Variants in PCDHA7 observed in about 807,000 individuals in gnomAD.
PCDHA7 encodes the protein protocadherin alpha-7.
Under a neutral mutation model 57.2 loss-of-function variants are expected in PCDHA7, and 37 were observed. That is an observed-to-expected ratio of 0.65 (90% confidence interval 0.50 to 0.85). The LOEUF (loss-of-function observed/expected upper bound fraction) is 0.85, where lower values mean the gene tolerates loss of function less well. Ranked by LOEUF, PCDHA7 falls within the 40% of genes least tolerant of loss-of-function variation. The pLI is 0.00. For synonymous variants in PCDHA7, 553 were observed against 558.8 expected, an observed-to-expected ratio of 0.99 and a Z score of 0.15; for missense variants, 1,188 against 1,241.8, an observed-to-expected ratio of 0.96 and a Z score of 0.65.
intron 3 of PCDHA7, among the ~76,000 whole-genome samples, chr5:140,994,922 G>A (rs184710391): frequency 4.6e-5 from 7 of 152,342 alleles, no homozygotes; most frequent in African/African-American, 9.6e-5. Context: ...ATCAGATTTT[G>A]TAGGACCTTA....
At chr5:140,998,687 C>T (rs922040842) in intron 3 of PCDHA7, among the ~76,000 whole-genome samples, 9 of 152,042 alleles carry the variant, frequency 5.9e-5, no homozygotes, top group Non-Finnish European at 1.5e-5. Flanking sequence ...GCCTCAGCCT[C>T]CCAAGTAGCT....
chr5:140,870,709 G>T (rs782475792), intron 1 of PCDHA7: 1 of 1,613,052 alleles, frequency 6.2e-7, no homozygotes, highest in Non-Finnish European at 8.5e-7. Context: ...CCAGGTGAGC[G>T]CGCGCGATGC....
At position 140,851,650 on chromosome 5, in the gene PCDHA7, G is replaced by C. The variant is rs1324719591; in HGVS notation, c.2355+14912G>C. The C allele has an allele frequency of 4.4e-6, 4 of 912,450 alleles. No homozygotes were observed. The African/African-American group carries it at 7.2e-5, about 16-fold the overall frequency. 56.5% of individuals were successfully genotyped at this position (912,450 alleles called of 1,614,324 possible). ...AACAAGTGTTTCCTTTCTTCAAGAA[G>C]ACATTCTCCTTTTAATTGAAATTTT... On this transcript the variant is annotated intron_variant, in intron 1 of 3. Transcript: ENST00000525929.
At position 140,850,808 on chromosome 5, in the gene PCDHA7, C is replaced by T. The variant is rs2150499098; in HGVS notation, c.2355+14070C>T. 20 of 1,598,280 alleles carry T rather than the reference C, an allele frequency of 1.3e-5. No homozygotes were observed. The South Asian group carries it at 2.2e-4, about 18-fold the overall frequency. On this transcript the variant is annotated intron_variant, in intron 1 of 3. Transcript: ENST00000525929. The stretch of plus-strand genomic sequence containing the variant: ...GTAAGCAGAAGACCGACCTCATGGC[C>T]TTCAGCCCGGGCCTTTCTCCTTGTG...
intron 1 of PCDHA7, among the ~76,000 whole-genome samples, chr5:140,839,341 G>T (rs1301082708): frequency 6.6e-6 from 1 of 150,686 alleles, no homozygotes; most frequent in African/African-American, 2.5e-5. Context: ...AGTTGATAGG[G>T]GATCCTCCTT....
chr5:140,841,716 T>G lies in PCDHA7; in HGVS notation c.2355+4978T>G, dbSNP rs1554138489. The G allele has an allele frequency of 6.2e-7, 1 of 1,613,904 alleles. No homozygotes were observed. Among genetic ancestry groups the G allele is most frequent in the Admixed American group, 1.7e-5 (1 of 59,998 alleles). ...AAGGATGTTAATGACAACCCGCCAG[T>G]GTTCCGGGTAAAAGACCAAAAGCTG... On this transcript the variant is annotated intron_variant, in intron 1 of 3. Transcript: ENST00000525929.
At chr5:140,942,139 A>C (rs1211983428) in intron 1 of PCDHA7, among the ~76,000 whole-genome samples, 1 of 152,248 alleles carries the variant, frequency 6.6e-6, no homozygotes, top group Non-Finnish European at 1.5e-5. Context: ...TTGTGGCTTT[A>C]CTTGACATAA....
chr5:140,842,208 A>C, intron 1 of PCDHA7: 1 of 1,613,638 alleles, frequency 6.2e-7, no homozygotes, highest in Non-Finnish European at 8.5e-7. Flanking sequence ...TTTAGCATAG[A>C]TCGAAATACG....
Position 140,979,705 on chromosome 5 carries a change from G to A in PCDHA7, c.2414+698G>A, listed in dbSNP as rs138804576. Among the ~76,000 whole-genome samples, 597 of 152,336 alleles carry A rather than the reference G, an allele frequency of 3.9e-3. 4 individuals carry two copies. The highest frequency in any genetic ancestry group is 0.014 in the African/African-American group (562 of 41,570). On this transcript the variant is annotated intron_variant, in intron 2 of 3. Coordinates refer to ENST00000525929, the MANE Select transcript of PCDHA7 (RefSeq NM_018910.3). ...ATTAACTACCATTATTTCTGGAGGT[G>A]ATCCAGTATCCATGCCATGGGGCCA... is the stretch of plus-strand genomic sequence containing the variant.
rs1472769366 is a variant in PCDHA7, at chr5:140,928,640, T to C, written c.2356-50309T>C. On this transcript the variant is annotated intron_variant, in intron 1 of 3. Transcript: ENST00000525929. ...AGGACTGGACACTTGGTCACAAAAG[T>C]GGTAGCAGAGGATGCTGACAGTGGT... The C allele has an allele frequency of 1.2e-6, 2 of 1,614,096 alleles. No individual in the cohort carries two copies. Among genetic ancestry groups the C allele is most frequent in the African/African-American group, 2.7e-5 (2 of 74,930 alleles).
intron 1 of PCDHA7, among the ~76,000 whole-genome samples, chr5:140,958,528 G>T (rs961967514): frequency 4.6e-5 from 7 of 152,112 alleles, no homozygotes; most frequent in Non-Finnish European, 8.8e-5. Flanking sequence ...TATACTATGT[G>T]TACATTGATT....
In PCDHA7 at chr5:140,836,726, C is replaced by A. The variant is rs1326875671; in HGVS notation, c.2343C>A (p.Ser781=). Residue 781 remains serine, a synonymous_variant, in exon 1 of 4, where the codon TCC becomes TCA. Transcript: ENST00000525929. The part of the protein sequence containing the change: ...AFSPSLPQGP[S]STDNPRQPNP... ...GTCCCAGCCTTCCTCAGGGTCCATCCTCTACAGACAATGTGAGTCATAAAT... is the reference window on the plus strand; with the variant it reads ...GTCCCAGCCTTCCTCAGGGTCCATCATCTACAGACAATGTGAGTCATAAAT... 1.9e-6 allele frequency: 3 copies of A among 1,610,534 alleles called. No individual in the cohort carries two copies. Among genetic ancestry groups the A allele is most frequent in the Non-Finnish European group, 2.5e-6 (3 of 1,178,184 alleles).
intron 1 of PCDHA7, among the ~76,000 whole-genome samples, chr5:140,879,471 T>C (rs1320951448): frequency 1.3e-5 from 2 of 152,154 alleles, no homozygotes; most frequent in Non-Finnish European, 2.9e-5. Context: ...AGAATACCGT[T>C]GTGATTGGAA....
chr5:140,856,871 G>T, intron 1 of PCDHA7: 1 of 1,595,048 alleles, frequency 6.3e-7, no homozygotes, highest in Non-Finnish European at 8.6e-7. Flanking sequence ...AATAAACAAG[G>T]AAATGATGTA....
chr5:140,927,848 G>T (rs1295513512), intron 1 of PCDHA7: 2 of 1,614,180 alleles, frequency 1.2e-6, no homozygotes, highest in Middle Eastern at 3.3e-4. Context: ...GGTGTCTTTG[G>T]TTTAGCTAGC....
At chr5:140,940,994 G>A (rs1375374431) in intron 1 of PCDHA7, among the ~76,000 whole-genome samples, 1 of 152,094 alleles carries the variant, frequency 6.6e-6, no homozygotes, top group Non-Finnish European at 1.5e-5. Context: ...AAGTTTATAG[G>A]ATTAAATTTT....
chr5:140,947,146 A>G (rs1253300651), intron 1 of PCDHA7, among the ~76,000 whole-genome samples: 2 of 151,546 alleles, frequency 1.3e-5, no homozygotes, highest in Non-Finnish European at 1.5e-5. Context: ...ATGTATAGTT[A>G]CTTCCACGGG....
chr5:140,941,748 T>G (rs2093156951), intron 1 of PCDHA7, among the ~76,000 whole-genome samples: 1 of 152,210 alleles, frequency 6.6e-6, no homozygotes, highest in South Asian at 2.1e-4. Flanking sequence ...CTTATCAGAT[T>G]TTCAGTGCTT....
At chr5:140,967,547 A>G (rs1554229662) in intron 1 of PCDHA7, 1 of 1,613,890 alleles carries the variant, frequency 6.2e-7, no homozygotes, top group Non-Finnish European at 8.5e-7. Context: ...TGACCAGTCC[A>G]CTTATCGCGT....
Sources: gnomAD v4.1 joint callset for allele counts (sites outside exome capture counted in the v4.1 genomes callset) on GRCh38, gnomAD v4.1.1 for gene constraint, MANE v1.5 for transcripts, NCBI Gene and HGNC (gene_info 2026-07-23, HGNC 2026-07-21) for gene names.